KCNJ12: variants seen among roughly 807,000 people sequenced by gnomAD.
The protein encoded by KCNJ12 is potassium inwardly rectifying channel subfamily J member 12.
KCNJ12 carries 2 observed loss-of-function variants against 22.3 expected under a neutral mutation model. That is an observed-to-expected ratio of 0.09 (90% CI 0.04 to 0.28). KCNJ12 has a LOEUF of 0.28. Among genes scored for constraint, KCNJ12 ranks in the 10% least tolerant of loss-of-function variants. The probability of loss-of-function intolerance (pLI) is 1.00; values close to 1 mark genes in which losing one functional copy is unlikely to be tolerated. For missense variants in KCNJ12, 155 were observed against 633.3 expected (o/e 0.24, Z 8.11); for synonymous variants, 117 against 261.4 (o/e 0.45, Z 5.33).
intron 1 of KCNJ12, among the ~76,000 whole-genome samples, chr17:21,384,584 C>T (rs782606926): frequency 2.0e-5 from 3 of 152,060 alleles, no homozygotes; most frequent in East Asian, 1.9e-4. Context: ...AGAGTAGACA[C>T]GCTGGAGCTC....
intron 1 of KCNJ12, among the ~76,000 whole-genome samples, chr17:21,378,158 G>C (rs1019537097): frequency 6.6e-6 from 1 of 152,228 alleles, no homozygotes; most frequent in Admixed American, 6.5e-5. Context: ...AAGGAGAGCC[G>C]GTCCCTGGCC....
intron 1 of KCNJ12, among the ~76,000 whole-genome samples, chr17:21,402,693 G>C (rs1200768635): frequency 2.0e-5 from 3 of 152,306 alleles, no homozygotes; most frequent in African/African-American, 7.2e-5. Flanking sequence ...AATAAAAGAA[G>C]GAAGCTAAGA....
intron 2 of KCNJ12, among the ~76,000 whole-genome samples, chr17:21,410,886 A>C (rs1404148896): frequency 6.6e-6 from 1 of 152,310 alleles, no homozygotes; most frequent in Non-Finnish European, 1.5e-5. Flanking sequence ...TAAATGAATC[A>C]GTTTATTAAA....
At chr17:21,388,403 A>G (rs1905129456) in intron 1 of KCNJ12, among the ~76,000 whole-genome samples, 1 of 152,168 alleles carries the variant, frequency 6.6e-6, no homozygotes, top group Non-Finnish European at 1.5e-5. Flanking sequence ...GGTTGGGCTC[A>G]TACCTGTGAC....
intron 1 of KCNJ12, among the ~76,000 whole-genome samples, chr17:21,390,192 C>T (rs1905174801): frequency 6.6e-6 from 1 of 152,182 alleles, no homozygotes; most frequent in African/African-American, 2.4e-5. Flanking sequence ...GGACTGTCAC[C>T]CCTCACCCAC....
chr17:21,414,790 G>A (rs1249307785), intron 2 of KCNJ12, among the ~76,000 whole-genome samples: 2 of 152,310 alleles, frequency 1.3e-5, no homozygotes, highest in Admixed American at 6.5e-5. Flanking sequence ...GGAGGAGGCT[G>A]GGAGGTGAGG....
At chr17:21,379,346 G>T (rs1309585234) in intron 1 of KCNJ12, among the ~76,000 whole-genome samples, 1 of 152,210 alleles carries the variant, frequency 6.6e-6, no homozygotes, top group African/African-American at 2.4e-5. Context: ...GCCCTCGCCA[G>T]GTCCCCAGGC....
intron 1 of KCNJ12, among the ~76,000 whole-genome samples, chr17:21,385,669 T>G (rs1406375346): frequency 6.6e-6 from 1 of 152,146 alleles, no homozygotes; most frequent in Non-Finnish European, 1.5e-5. Context: ...CTCTGCAGGG[T>G]GGAGGCTGGC....
chr17:21,398,751 G>T (rs1225952170), intron 1 of KCNJ12, among the ~76,000 whole-genome samples: 1 of 152,230 alleles, frequency 6.6e-6, no homozygotes, highest in Admixed American at 6.5e-5. Flanking sequence ...ATCCTAGGTC[G>T]TGTATCGGTG....
chr17:21,394,785 T>C (rs900977970), intron 1 of KCNJ12, among the ~76,000 whole-genome samples: 8 of 152,040 alleles, frequency 5.3e-5, no homozygotes, highest in East Asian at 3.9e-4. Context: ...GCGTAAGGCG[T>C]TGGAGGTGGG....
intron 1 of KCNJ12, among the ~76,000 whole-genome samples, chr17:21,382,265 G>A (rs782494877): frequency 3.9e-5 from 6 of 152,328 alleles, no homozygotes; most frequent in African/African-American, 9.6e-5. Context: ...ATCACAAGCC[G>A]TTCCCATTGC....
chr17:21,385,493 G>A (rs1347916582), intron 1 of KCNJ12, among the ~76,000 whole-genome samples: 3 of 152,202 alleles, frequency 2.0e-5, no homozygotes, highest in African/African-American at 7.2e-5. Flanking sequence ...CTGCTGGGCT[G>A]CAAGCTGTCA....
At chr17:21,405,836 T>C (rs1555561000) in intron 1 of KCNJ12, among the ~76,000 whole-genome samples, 1 of 152,306 alleles carries the variant, frequency 6.6e-6, no homozygotes, top group South Asian at 2.1e-4. Context: ...GGCTGGCTCC[T>C]GTTTGCAGGG....
At chr17:21,381,166 C>T (rs1904853364) in intron 1 of KCNJ12, among the ~76,000 whole-genome samples, 1 of 152,180 alleles carries the variant, frequency 6.6e-6, no homozygotes, top group African/African-American at 2.4e-5. Flanking sequence ...TGGATCCTGC[C>T]TGACTCCCCC....
At chr17:21,415,112 G>T (rs1906620677) in intron 2 of KCNJ12, among the ~76,000 whole-genome samples, 175 bp from the exon 3 acceptor site, 1 of 152,298 alleles carries the variant, frequency 6.6e-6, no homozygotes, top group Admixed American at 6.5e-5. Context: ...GCCCGAAGGG[G>T]GTGGCCATTC....
At chr17:21,413,209 C>T (rs62049500) in intron 2 of KCNJ12, among the ~76,000 whole-genome samples, 1,806 of 101,830 alleles carry the variant, frequency 0.018, no homozygotes, top group Non-Finnish European at 0.027. Context: ...CAGACCGGGG[C>T]TGAGTCCTGG....
In KCNJ12 at chr17:21,414,280, G is replaced by A. The variant is rs1334918356; in HGVS notation, c.-56-1007G>A. Reference sequence around the variant, plus strand: ...ACCTGAGGTCAAGAGTTTGAGACCAGCCTGGCCAACATGGTGAAACCCCGT... The same window carrying A: ...ACCTGAGGTCAAGAGTTTGAGACCAACCTGGCCAACATGGTGAAACCCCGT... On this transcript the variant is annotated intron_variant, in intron 2 of 2. Transcript: ENST00000583088. Among the ~76,000 whole-genome samples, 6 of 152,394 alleles carry A rather than the reference G, an allele frequency of 3.9e-5. No homozygotes were observed. In the South Asian group the frequency reaches 6.2e-4, roughly 16 times the overall value.
intron 1 of KCNJ12, among the ~76,000 whole-genome samples, chr17:21,383,422 G>A (rs546185698): frequency 6.6e-6 from 1 of 152,162 alleles, no homozygotes; most frequent in Non-Finnish European, 1.5e-5. Flanking sequence ...GGGTCCAGGG[G>A]AGCTTGGCGT....
intron 1 of KCNJ12, among the ~76,000 whole-genome samples, chr17:21,385,763 G>A (rs1368857699): frequency 1.3e-5 from 2 of 152,250 alleles, no homozygotes; most frequent in Non-Finnish European, 2.9e-5. Flanking sequence ...TGCAGCACCA[G>A]GGCTCATGAC....
Sources: allele counts gnomAD v4.1 joint callset (sites outside exome capture counted in the v4.1 genomes callset), GRCh38; gene constraint gnomAD v4.1.1; transcripts MANE v1.5; gene names NCBI Gene and HGNC (gene_info 2026-07-23, HGNC 2026-07-21).